ARHGEF9: variants seen among roughly 807,000 people sequenced by gnomAD.
ARHGEF9 encodes the protein rho guanine nucleotide exchange factor 9.
A neutral mutation model predicts 41.3 loss-of-function variants in ARHGEF9; 2 were observed. The observed-to-expected ratio is 0.05, with a 90% CI of 0.02 to 0.15. ARHGEF9 has a LOEUF of 0.15. ARHGEF9 is among the 10% of genes least tolerant of loss of function. The pLI, the probability that ARHGEF9 is intolerant of heterozygous loss-of-function variation, is 1.00. For synonymous variants in ARHGEF9, 160 were observed against 154.4 expected (o/e 1.04, Z -0.27); for missense variants, 225 against 424.7 (o/e 0.53, Z 4.13).
chrX:63,783,695 G>A (rs1320556421), intron 1 of ARHGEF9, among the ~76,000 whole-genome samples: 2 of 111,872 alleles, frequency 1.8e-5, no homozygotes, highest in Admixed American at 9.4e-5. Flanking sequence ...GCAGTCAGGA[G>A]ACTCAAGTGC....
chrX:63,648,827 A>T (rs1229077486), intron 8 of ARHGEF9, among the ~76,000 whole-genome samples: 3 of 111,678 alleles, frequency 2.7e-5, no homozygotes, highest in Non-Finnish European at 5.6e-5. Flanking sequence ...CAGACTTTAA[A>T]CCAACAAAGA....
chrX:63,682,010 A>T (rs1179767194), intron 4 of ARHGEF9, among the ~76,000 whole-genome samples: 4 of 110,501 alleles, frequency 3.6e-5, no homozygotes, highest in African/African-American at 9.8e-5. Context: ...ATTAACAAAT[A>T]AAGAGATTGA....
intron 5 of ARHGEF9, among the ~76,000 whole-genome samples, chrX:63,677,498 T>C (rs2050331963): frequency 1.8e-5 from 2 of 111,652 alleles, no homozygotes; most frequent in Admixed American, 1.9e-4. Context: ...TTGACATGCA[T>C]GGCAGGAGCC....
intron 1 of ARHGEF9, among the ~76,000 whole-genome samples, chrX:63,756,399 T>C (rs189791634): frequency 5.3e-5 from 6 of 112,169 alleles, no homozygotes; most frequent in Admixed American, 3.8e-4. Flanking sequence ...TTATTCACAA[T>C]AGCCAGAAGA....
intron 5 of ARHGEF9, among the ~76,000 whole-genome samples, chrX:63,676,486 T>G (rs1301095848): frequency 1.8e-5 from 2 of 112,354 alleles, no homozygotes; most frequent in Non-Finnish European, 3.8e-5. Flanking sequence ...TCTACATTTG[T>G]TTCTGTTACA....
Position 63,697,247 on chromosome X carries a change from C to T in ARHGEF9, c.460G>A (p.Val154Ile). The T allele has an allele frequency of 2.5e-6, 3 of 1,210,772 alleles. No homozygotes were observed. Among genetic ancestry groups the T allele is most frequent in the Middle Eastern group, 2.3e-4 (1 of 4,348 alleles). The change falls in exon 4 of 10, where the codon GTA becomes ATA. Residue 154 changes from valine to isoleucine, a missense_variant. By Grantham distance (29) the Val-to-Ile change is conservative. This residue lies in a region of ARHGEF9 where 114 missense variants were observed against 197.9 expected (regional missense o/e 0.58). Coordinates refer to ENST00000671741, the MANE Select transcript of ARHGEF9 (RefSeq NM_001353921.2). ...ATATCTTCAATGTTCCCAAAGATTA[C>T]CTTCAGTTGCTCGTCACTGAACATG... ...RDMFSDEQLK[V>I]IFGNIEDIYR...
chrX:63,718,582 T>C (rs2053460705), intron 2 of ARHGEF9, among the ~76,000 whole-genome samples: 5 of 111,533 alleles, frequency 4.5e-5, no homozygotes, highest in Non-Finnish European at 9.4e-5. Flanking sequence ...TACAAATCCA[T>C]GCTATGGGTC....
chrX:63,706,202 C>T (rs2052534097), intron 3 of ARHGEF9, 56 bp downstream of exon 3: 1 of 1,136,454 alleles, frequency 8.8e-7, no homozygotes, highest in Non-Finnish European at 1.2e-6. Flanking sequence ...CAGGCAGGGC[C>T]CAGGAGGGTT....
At chrX:63,692,971 CAT>C (rs1373657858) in intron 4 of ARHGEF9, among the ~76,000 whole-genome samples, 4 of 111,597 alleles carry the variant, frequency 3.6e-5, no homozygotes, top group Non-Finnish European at 5.7e-5. Flanking sequence ...AGACAAATAT[CAT>C]ATGTTTTCAC....
intron 1 of ARHGEF9, among the ~76,000 whole-genome samples, chrX:63,782,904 C>T (rs2056404802): frequency 8.9e-6 from 1 of 112,551 alleles, no homozygotes; most frequent in Non-Finnish European, 1.9e-5. Context: ...GTGGCAAGGC[C>T]AAAACTTAGA....
chrX:63,642,595 G>A (rs1354717267), intron 9 of ARHGEF9: 1 of 111,799 alleles, frequency 8.9e-6, no homozygotes, highest in East Asian at 2.8e-4. Flanking sequence ...TAGGTGCACT[G>A]CTTAACTGGA....
Position 63,639,066 on chromosome X carries a change from G to T in ARHGEF9, c.1391-857C>A, listed in dbSNP as rs3788829. ...AGAGCAGAATAGGACAAGACATACA[G>T]CATATAATTCAGACATGTCAGGAAG... On this transcript the variant is annotated intron_variant, in intron 9 of 9. Coordinates refer to ENST00000671741, the MANE Select transcript of ARHGEF9 (RefSeq NM_001353921.2). Among the ~76,000 whole-genome samples, 68 of 112,141 alleles carry T rather than the reference G, an allele frequency of 6.1e-4. 1 individual carries two copies. The East Asian group carries it at 0.019, about 31-fold the overall frequency.
At chrX:63,708,390 T>C (rs1455930708) in intron 2 of ARHGEF9, among the ~76,000 whole-genome samples, 3 of 112,041 alleles carry the variant, frequency 2.7e-5, no homozygotes, top group African/African-American at 9.7e-5. Context: ...AAGATGAATA[T>C]TTTGAACAAT....
At chrX:63,734,342 T>C (rs2054488357) in intron 1 of ARHGEF9, among the ~76,000 whole-genome samples, 1 of 112,285 alleles carries the variant, frequency 8.9e-6, no homozygotes, top group African/African-American at 3.2e-5. Context: ...TTAGCTTGTA[T>C]CTACAAAATA....
chrX:63,635,122 T>C lies in ARHGEF9; in HGVS notation c.*2906A>G, dbSNP rs1193731423. On this transcript the variant is annotated 3_prime_UTR_variant, in exon 10 of 10. Transcript: ENST00000671741. ...AGAAACAAAAGAATAAACTGGCAAATGCAGAGCAGCAAGGGTAATCAAAGT... is the reference window on the plus strand; with the variant it reads ...AGAAACAAAAGAATAAACTGGCAAACGCAGAGCAGCAAGGGTAATCAAAGT... 5.4e-6 allele frequency: 2 copies of C among 369,476 alleles called. No individual in the cohort carries two copies. The highest frequency in any genetic ancestry group is 5.8e-5 in the South Asian group (1 of 17,180). 30.4% of individuals were successfully genotyped at this position (369,476 alleles called of 1,213,427 possible).
At chrX:63,681,986 T>C (rs2050651005) in intron 4 of ARHGEF9, among the ~76,000 whole-genome samples, 1 of 109,757 alleles carries the variant, frequency 9.1e-6, no homozygotes, top group Non-Finnish European at 1.9e-5. Context: ...CAAGAAGAAA[T>C]AGAGAGCCTG....
chrX:63,666,790 G>A (rs1205832347), intron 6 of ARHGEF9, among the ~76,000 whole-genome samples: 1 of 111,784 alleles, frequency 8.9e-6, no homozygotes, highest in African/African-American at 3.3e-5. Context: ...AGAAAGCCTA[G>A]AACTACTTAT....
Position 63,682,177 on chromosome X carries a change from G to T in ARHGEF9, c.583-3605C>A, listed in dbSNP as rs782513464. ...TAAATAAATAAATAAATAAATAAAA[G>T]AACTAAAGGGAATACTCCCAAATGA... On this transcript the variant is annotated intron_variant, in intron 4 of 9. Coordinates refer to ENST00000671741, the MANE Select transcript of ARHGEF9 (RefSeq NM_001353921.2). Among the ~76,000 whole-genome samples the T allele has an allele frequency of 2.4e-4, 25 of 103,771 alleles. No individual in the cohort carries two copies. In the South Asian group the frequency reaches 9.8e-3, roughly 41 times the overall value. The allele number at this position is 103,771 out of a possible 115,157, so 90.1% of individuals were successfully genotyped here.
intron 1 of ARHGEF9, among the ~76,000 whole-genome samples, chrX:63,743,047 C>T (rs1308991348): frequency 9.0e-6 from 1 of 111,712 alleles, no homozygotes; most frequent in Non-Finnish European, 1.9e-5. Flanking sequence ...ACTAGCCTGG[C>T]CACCATGGCA....
Sources: allele counts gnomAD v4.1 joint callset (sites outside exome capture counted in the v4.1 genomes callset), GRCh38; gene constraint gnomAD v4.1.1; regional missense constraint gnomAD v4.1.1; transcripts MANE v1.5; gene names NCBI Gene and HGNC (gene_info 2026-07-23, HGNC 2026-07-21).